MPHOSPH10: variants seen among roughly 807,000 people sequenced by gnomAD.
MPHOSPH10 encodes M-phase phosphoprotein 10.
A neutral mutation model predicts 77.3 loss-of-function variants in MPHOSPH10; 33 were observed. That is an observed-to-expected ratio of 0.43 (90% confidence interval 0.32 to 0.57). The LOEUF is 0.57. Ranked by LOEUF, MPHOSPH10 falls within the 20% of genes least tolerant of loss-of-function variation. The pLI is 0.07. For missense variants in MPHOSPH10, 708 were observed against 780.1 expected (o/e 0.91, Z 1.10); for synonymous variants, 245 against 268.0 (o/e 0.91, Z 0.84).
Position 71,144,459 on chromosome 2 carries a change from A to G in MPHOSPH10, c.1478A>G (p.His493Arg). The G allele has an allele frequency of 1.5e-5, 25 of 1,614,116 alleles. No individual in the cohort carries two copies. Among genetic ancestry groups the G allele is most frequent in the Non-Finnish European group, 2.0e-5 (24 of 1,180,014 alleles). The stretch of plus-strand genomic sequence containing the variant: ...ACAGCAGAAGAAGAAAATCCAGAAC[A>G]TGTAGAAATTCAGAAGATGATGGAT... Reference protein sequence around the residue: ...QKTAEEENPEHVEIQKMMDSL... With the variant: ...QKTAEEENPERVEIQKMMDSL... The change falls in exon 8 of 11, where the codon CAT becomes CGT. Residue 493 changes from histidine (H) to arginine (R), a missense_variant. By Grantham distance (29) the His-to-Arg change is conservative (BLOSUM62 0). Coordinates refer to ENST00000244230, the MANE Select transcript of MPHOSPH10 (RefSeq NM_005791.3).
At chr2:71,144,661 G>A in intron 8 of MPHOSPH10, 123 bp downstream of exon 8, 3 of 725,240 alleles carry the variant, frequency 4.1e-6, no homozygotes, top group Non-Finnish European at 4.5e-6. Context: ...GTAAATTCCA[G>A]GCAGGGTCTC....
At chr2:71,141,394 C>T in intron 7 of MPHOSPH10, 25 bp downstream of exon 7, 1 of 1,455,486 alleles carries the variant, frequency 6.9e-7, no homozygotes, top group Non-Finnish European at 9.1e-7. Flanking sequence ...AAGGCCAAGC[C>T]ATTATTATTA....
At chr2:71,146,130 C>T (rs1284370138) in intron 8 of MPHOSPH10, among the ~76,000 whole-genome samples, 2 of 152,234 alleles carry the variant, frequency 1.3e-5, no homozygotes, top group East Asian at 1.9e-4. Context: ...AGCCTTTAGA[C>T]ATTCCTTGGA....
rs1473766132 is a variant in MPHOSPH10 at position 71,133,181 on chromosome 2, G to A, written c.373G>A (p.Asp125Asn). The A allele has an allele frequency of 6.2e-7, 1 of 1,614,172 alleles. No individual in the cohort carries two copies. The highest frequency in any genetic ancestry group is 8.5e-7 in the Non-Finnish European group (1 of 1,180,020). ...AGAGGATGGTTCAGAGATAGAGGCTGATGACAAGGAGGACCTAGAAGATTT... is the reference window on the plus strand; with the variant it reads ...AGAGGATGGTTCAGAGATAGAGGCTAATGACAAGGAGGACCTAGAAGATTT... ...REEDGSEIEADDKEDLEDLEE... is the reference protein window; with the variant it reads ...REEDGSEIEANDKEDLEDLEE... The change falls in exon 2 of 11, where the codon GAT becomes AAT. Residue 125 changes from aspartate (D) to asparagine (N), a missense_variant. Physicochemically the swap from Asp to Asn is conservative, Grantham distance 23 (BLOSUM62 1). Transcript: ENST00000244230.
rs755185887 is a variant in MPHOSPH10, at chr2:71,149,247, A to T, written c.1690A>T (p.Lys564Ter). ...IKEKNKAGDI[K>*]TAAEKTATDK... ...GGAGAAAAATAAAGCTGGAGATATA[A>T]AAACAGCTGCTGAAAAAACAGCTAC... is the stretch of plus-strand genomic sequence containing the variant. The change falls in exon 10 of 11, where the codon AAA becomes TAA. Residue 564 changes from lysine (K) to a stop codon, truncating the protein, a stop_gained. Transcript: ENST00000244230. LOFTEE classifies it high-confidence loss of function. 6.3e-7 allele frequency: 1 copy of T among 1,578,358 alleles called. No homozygotes were observed. The highest frequency in any genetic ancestry group is 8.6e-7 in the Non-Finnish European group (1 of 1,162,994).
intron 8 of MPHOSPH10, 57 bp from the exon 9 acceptor site, chr2:71,147,942 A>C: frequency 7.6e-7 from 1 of 1,316,732 alleles, no homozygotes; most frequent in South Asian, 1.2e-5. Context: ...CACAGTTCAC[A>C]CATTTTGTGT....
intron 6 of MPHOSPH10, among the ~76,000 whole-genome samples, 165 bp from the exon 7 acceptor site, chr2:71,141,063 TAATA>T (rs1282393327): frequency 6.7e-6 from 1 of 149,616 alleles, no homozygotes; most frequent in East Asian, 1.9e-4. Context: ...TAATAAGTAA[TAATA>T]AATATTTATT....
Position 71,133,245 on chromosome 2 carries a change from C to T in MPHOSPH10, c.437C>T (p.Pro146Leu), listed in dbSNP as rs771641275. The T allele has an allele frequency of 2.7e-5, 44 of 1,613,888 alleles. No homozygotes were observed. Among genetic ancestry groups the T allele is most frequent in the African/African-American group, 1.6e-4 (12 of 74,876 alleles). The change falls in exon 2 of 11, where the codon CCT (proline) becomes CTT (leucine). Residue 146 changes from proline to leucine, a missense_variant. Coordinates refer to ENST00000244230, the MANE Select transcript of MPHOSPH10 (RefSeq NM_005791.3). ...GTGTCCGACATGGGTAATGATGATC[C>T]TGAAATGGGTGAGAGAGCTGAAAAC... is the stretch of plus-strand genomic sequence containing the variant. ...EEVSDMGNDDPEMGERAENSS... is the reference protein window; with the variant it reads ...EEVSDMGNDDLEMGERAENSS...
intron 1 of MPHOSPH10, among the ~76,000 whole-genome samples, chr2:71,131,769 T>C (rs774202215): frequency 7.9e-5 from 12 of 152,192 alleles, no homozygotes; most frequent in South Asian, 2.1e-4. Context: ...ACAAGGTCGA[T>C]TGATCAGTTA....
intron 4 of MPHOSPH10, among the ~76,000 whole-genome samples, chr2:71,137,153 T>G (rs1332798591): frequency 6.6e-6 from 1 of 152,044 alleles, no homozygotes; most frequent in Non-Finnish European, 1.5e-5. Context: ...TTGATAAAAT[T>G]CAATATTCAT....
At chr2:71,143,619 T>C (rs567511258) in intron 7 of MPHOSPH10, among the ~76,000 whole-genome samples, 1 of 152,290 alleles carries the variant, frequency 6.6e-6, no homozygotes, top group East Asian at 1.9e-4. Context: ...TTGCTACCCT[T>C]TCCTCACTTG....
At chr2:71,133,788 T>C (rs1418988782) in intron 2 of MPHOSPH10, among the ~76,000 whole-genome samples, 160 bp from the exon 3 acceptor site, 1 of 152,232 alleles carries the variant, frequency 6.6e-6, no homozygotes, top group African/African-American at 2.4e-5. Context: ...CATTTTCACC[T>C]AATAATTATT....
chr2:71,139,942 A>T (rs1673579590), intron 6 of MPHOSPH10, 80 bp downstream of exon 6: 2 of 994,362 alleles, frequency 2.0e-6, no homozygotes, highest in African/African-American at 3.2e-5. Context: ...TGAGAGTAGG[A>T]CTATTGCTTT....
chr2:71,143,690 T>A (rs1673654976), intron 7 of MPHOSPH10, among the ~76,000 whole-genome samples: 1 of 152,208 alleles, frequency 6.6e-6, no homozygotes, highest in Non-Finnish European at 1.5e-5. Context: ...ATTTTGAGTA[T>A]TTGATATAAA....
chr2:71,136,913 AAC>A (rs56768441), intron 4 of MPHOSPH10, among the ~76,000 whole-genome samples: 9,485 of 118,892 alleles, frequency 0.08, 604 homozygotes, highest in East Asian at 0.25. Flanking sequence ...GTAGCATTAA[AAC>A]ACACACACAC....
Position 71,140,712 on chromosome 2 carries a change from A to T in MPHOSPH10, c.1309-520A>T, listed in dbSNP as rs547244712. 6.6e-5 allele frequency among the ~76,000 whole-genome samples: 10 copies of T among 152,348 alleles called. No homozygotes were observed. The South Asian group carries it at 2.1e-3, about 32-fold the overall frequency. ...TTTGTAAACTTAGAATAAAACTTAG[A>T]TATATGGCATGTACAGTAAGAGATG... On this transcript the variant is annotated intron_variant, in intron 6 of 10. Coordinates refer to ENST00000244230, the MANE Select transcript of MPHOSPH10 (RefSeq NM_005791.3).
intron 6 of MPHOSPH10, among the ~76,000 whole-genome samples, 165 bp downstream of exon 6, chr2:71,140,027 T>C (rs1673580623): frequency 6.6e-6 from 1 of 152,168 alleles, no homozygotes; most frequent in Non-Finnish European, 1.5e-5. Flanking sequence ...GTACTGCTCT[T>C]CAGTAGTATC....
rs771041542 is a variant in MPHOSPH10 at position 71,133,202 on chromosome 2, G to A, written c.394G>A (p.Asp132Asn). Residue 132 changes from aspartate to asparagine, a missense_variant, in exon 2 of 11, where the codon GAT (aspartate) becomes AAT (asparagine). Coordinates refer to ENST00000244230, the MANE Select transcript of MPHOSPH10 (RefSeq NM_005791.3). ...GGCTGATGACAAGGAGGACCTAGAA[G>A]ATTTAGAGGAGGAGGAAGTGTCCGA... ...IEADDKEDLE[D>N]LEEEEVSDMG... The A allele has an allele frequency of 7.0e-5, 113 of 1,614,042 alleles. No homozygotes were observed. In the Admixed American group the frequency reaches 1.5e-3, roughly 21 times the overall value.
At chr2:71,142,417 G>C (rs1278943779) in intron 7 of MPHOSPH10, among the ~76,000 whole-genome samples, 1 of 152,212 alleles carries the variant, frequency 6.6e-6, no homozygotes, top group Non-Finnish European at 1.5e-5. Flanking sequence ...ATGACCACGA[G>C]AATTAAAAAT....
Sources: gnomAD v4.1 joint callset for allele counts (sites outside exome capture counted in the v4.1 genomes callset) on GRCh38, gnomAD v4.1.1 for gene constraint, MANE v1.5 for transcripts, NCBI Gene and HGNC (gene_info 2026-07-23, HGNC 2026-07-21) for gene names.